Variants in ADK observed in about 807,000 individuals in gnomAD.
ADK encodes the protein adenosine kinase.
In ADK, 24 loss-of-function variants were observed where a neutral mutation model predicts 44.7. The observed-to-expected ratio is 0.54, with a 90% CI of 0.39 to 0.76. The LOEUF (loss-of-function observed/expected upper bound fraction) is 0.76, where lower values mean the gene tolerates loss of function less well. ADK is among the 30% of genes least tolerant of loss of function. The probability of loss-of-function intolerance (pLI) is 0.00; values close to 1 mark genes in which losing one functional copy is unlikely to be tolerated. For synonymous variants in ADK, 128 were observed against 142.6 expected, an observed-to-expected ratio of 0.90 and a Z score of 0.73; for missense variants, 321 against 425.1, an observed-to-expected ratio of 0.76 and a Z score of 2.15.
chr10:74,485,931 ACT>A (rs1454707175), intron 6 of ADK, among the ~76,000 whole-genome samples: 1 of 152,130 alleles, frequency 6.6e-6, no homozygotes, highest in African/African-American at 2.4e-5. Context: ...AAATTGACAA[ACT>A]CATTTTTATA....
chr10:74,636,945 G>T (rs1853639945), intron 9 of ADK, among the ~76,000 whole-genome samples: 1 of 152,118 alleles, frequency 6.6e-6, no homozygotes, highest in South Asian at 2.1e-4. Flanking sequence ...CTAAGCATAG[G>T]TACAGAAGCT....
intron 3 of ADK, among the ~76,000 whole-genome samples, chr10:74,246,876 G>T (rs7099494): frequency 0.74 from 111,915 of 151,924 alleles, 41,904 homozygotes; most frequent in Middle Eastern, 0.85. Flanking sequence ...TCACTAAGAT[G>T]TTTTTTAGTT....
intron 6 of ADK, among the ~76,000 whole-genome samples, chr10:74,447,805 A>G (rs1278770743): frequency 6.6e-6 from 1 of 152,222 alleles, no homozygotes; most frequent in Non-Finnish European, 1.5e-5. Context: ...TAAATTCTCA[A>G]TGAATAATGT....
intron 9 of ADK, among the ~76,000 whole-genome samples, chr10:74,621,276 A>G (rs1002722721): frequency 2.0e-5 from 3 of 152,188 alleles, no homozygotes; most frequent in Non-Finnish European, 4.4e-5. Flanking sequence ...ATTCTTATGC[A>G]TATGACTAGA....
At chr10:74,162,519 TTTTG>T (rs1241600824) in intron 1 of ADK, among the ~76,000 whole-genome samples, 8 of 117,970 alleles carry the variant, frequency 6.8e-5, no homozygotes, top group South Asian at 5.9e-4. Context: ...ATTGCATTTC[TTTTG>T]TGTGTGTGTG....
rs149699838 is a variant in ADK at position 74,464,334 on chromosome 10, C to T, written c.556-60922C>T. 9.3e-4 allele frequency among the ~76,000 whole-genome samples: 141 copies of T among 152,014 alleles called. 2 individuals are homozygous for T. The highest frequency in any genetic ancestry group is 3.2e-3 in the African/African-American group (131 of 41,482). On this transcript the variant is annotated intron_variant, in intron 6 of 10. Transcript: ENST00000539909. ...GTCTGAGGCAAAAGGAACATTTGAG[C>T]CCAGGAGTTCAAGACCAGCCTGGGC...
chr10:74,250,768 C>T (rs1366714233), intron 3 of ADK, among the ~76,000 whole-genome samples: 1 of 151,996 alleles, frequency 6.6e-6, no homozygotes, highest in Non-Finnish European at 1.5e-5. Context: ...AAATCAAATT[C>T]AGAGGTATTT....
intron 1 of ADK, among the ~76,000 whole-genome samples, chr10:74,173,419 TTC>T (rs1437710719): frequency 6.8e-6 from 1 of 146,842 alleles, no homozygotes; most frequent in Non-Finnish European, 1.5e-5. Context: ...AAAATTTTTT[TTC>T]TTTTTCTTTC....
At chr10:74,437,462 A>G (rs772095753) in intron 6 of ADK, among the ~76,000 whole-genome samples, 11 of 152,170 alleles carry the variant, frequency 7.2e-5, no homozygotes, top group Non-Finnish European at 1.5e-4. Flanking sequence ...ATCTCTGTAT[A>G]TGGTACCACT....
chr10:74,346,809 A>G (rs762899221), intron 4 of ADK, among the ~76,000 whole-genome samples: 1 of 152,074 alleles, frequency 6.6e-6, no homozygotes, highest in Non-Finnish European at 1.5e-5. Flanking sequence ...ACTGGTGAAG[A>G]GAAAAACCAT....
intron 2 of ADK, among the ~76,000 whole-genome samples, chr10:74,216,922 C>T (rs955496528): frequency 6.6e-6 from 1 of 152,128 alleles, no homozygotes; most frequent in African/African-American, 2.4e-5. Flanking sequence ...CTCCGGTCTA[C>T]AGCTCCCAGC....
chr10:74,562,125 C>T (rs1357104170), intron 7 of ADK, among the ~76,000 whole-genome samples: 1 of 152,128 alleles, frequency 6.6e-6, no homozygotes, highest in African/African-American at 2.4e-5. Context: ...GTGAGCATGA[C>T]AATCTAGTAG....
At chr10:74,470,917 G>T (rs2133293209) in intron 6 of ADK, among the ~76,000 whole-genome samples, 2 of 151,838 alleles carry the variant, frequency 1.3e-5, no homozygotes, top group South Asian at 4.2e-4. Flanking sequence ...TGTAGTTTTA[G>T]GTTTTAAATT....
chr10:74,273,865 C>A (rs541549096), intron 3 of ADK, among the ~76,000 whole-genome samples: 1 of 152,170 alleles, frequency 6.6e-6, no homozygotes, highest in African/African-American at 2.4e-5. Context: ...GCAGGCGTAT[C>A]GGCTTCATGT....
At chr10:74,503,301 G>A (rs1412472779) in intron 6 of ADK, among the ~76,000 whole-genome samples, 1 of 152,150 alleles carries the variant, frequency 6.6e-6, no homozygotes, top group Admixed American at 6.5e-5. Context: ...ATATAGAAAG[G>A]TACAGGATTT....
chr10:74,408,907 A>G (rs1844063275), intron 6 of ADK, among the ~76,000 whole-genome samples: 1 of 152,170 alleles, frequency 6.6e-6, no homozygotes, highest in Non-Finnish European at 1.5e-5. Flanking sequence ...AAGAAAATCT[A>G]TGTATAGGTT....
intron 8 of ADK, among the ~76,000 whole-genome samples, chr10:74,595,309 A>T (rs1851865805): frequency 6.7e-6 from 1 of 149,574 alleles, no homozygotes; most frequent in African/African-American, 2.5e-5. Context: ...TTTCTCTCAC[A>T]CATTCTAACA....
intron 6 of ADK, chr10:74,423,666 T>A (rs542594438): frequency 7.0e-6 from 3 of 427,756 alleles, no homozygotes; most frequent in Non-Finnish European, 9.3e-6. Context: ...TGGCCAGGTC[T>A]GCCTTGTTAC....
At chr10:74,466,792 A>T (rs542555900) in intron 6 of ADK, among the ~76,000 whole-genome samples, 9 of 152,290 alleles carry the variant, frequency 5.9e-5, no homozygotes, top group Admixed American at 5.9e-4. Context: ...AAATTTCAAG[A>T]TAAATGGCTT....
Sources: gnomAD v4.1 joint callset for allele counts (sites outside exome capture counted in the v4.1 genomes callset) on GRCh38, gnomAD v4.1.1 for gene constraint, MANE v1.5 for transcripts, NCBI Gene and HGNC (gene_info 2026-07-23, HGNC 2026-07-21) for gene names.